The following TTC31 variants were observed in gnomAD, a reference collection of about 807,000 sequenced individuals.
The protein encoded by TTC31 is tetratricopeptide repeat domain 31.
TTC31 carries 59 observed loss-of-function variants against 60.4 expected under a neutral mutation model. That is an observed-to-expected ratio of 0.98 (90% CI 0.79 to 1.21). TTC31 has a LOEUF of 1.21. Among genes scored for constraint, TTC31 ranks in the 50% most tolerant of loss-of-function variants. TTC31 has a pLI of 0.00. For synonymous variants in TTC31, 225 were observed against 249.6 expected (o/e 0.90, Z 0.93); for missense variants, 672 against 646.9 (o/e 1.04, Z -0.42).
intron 2 of TTC31, among the ~76,000 whole-genome samples, chr2:74,487,466 C>T (rs1673259276): frequency 6.6e-6 from 1 of 152,038 alleles, no homozygotes; most frequent in Admixed American, 6.5e-5. Flanking sequence ...GATCTGCTTG[C>T]CTTGGCCTCC....
Position 74,493,363 on chromosome 2 carries a change from G to A in TTC31, c.*145G>A. 1.1e-6 allele frequency: 1 copy of A among 881,560 alleles called. No homozygotes were observed. Among genetic ancestry groups the A allele is most frequent in the Non-Finnish European group, 1.7e-6 (1 of 597,176 alleles). The allele number at this position is 881,560 out of a possible 1,614,324, so 54.6% of individuals were successfully genotyped here. On this transcript the variant is annotated 3_prime_UTR_variant, in exon 13 of 13. Transcript: ENST00000233623. ...CCCTGGCAGTCATTCCTCTTGCCAT[G>A]GGGAAGCTTCTGATGAGAGAAAGGA... is the stretch of plus-strand genomic sequence containing the variant.
intron 2 of TTC31, among the ~76,000 whole-genome samples, chr2:74,486,836 T>C (rs1234897275): frequency 1.3e-5 from 2 of 150,110 alleles, no homozygotes; most frequent in Non-Finnish European, 3.0e-5. Context: ...GAGGTTGCGG[T>C]GAGCCAAGTT....
rs577412797 is a variant in TTC31, at chr2:74,491,884, T to C, written c.877-120T>C. On this transcript the variant is annotated intron_variant, in intron 8 of 12. Coordinates refer to ENST00000233623, the MANE Select transcript of TTC31 (RefSeq NM_022492.6). ...TAGGGCTGATACCATCTTGTAGGGC[T>C]GTCATGAGGATTACATGAGTTGGGT... 9.2e-6 allele frequency: 14 copies of C among 1,523,430 alleles called. No homozygotes were observed. The African/African-American group carries it at 1.8e-4, about 19-fold the overall frequency. 94.4% of individuals were successfully genotyped at this position (1,523,430 alleles called of 1,614,324 possible).
At chr2:74,492,087 A>G in intron 9 of TTC31, 32 bp downstream of exon 9, 1 of 1,613,456 alleles carries the variant, frequency 6.2e-7, no homozygotes, top group Non-Finnish European at 8.5e-7. Context: ...TCCTCACCCC[A>G]CCCTCCCTGG....
In TTC31 at chr2:74,491,321, G is replaced by C. The variant is rs763342871; in HGVS notation, c.630G>C (p.Glu210Asp). The stretch of plus-strand genomic sequence containing the variant: ...CCAGCACTACCTCAGATGGAGATGA[G>C]AGCCCCCCATCCAGCCCTGGAAACC... ...PKASTTSDGD[E>D]SPPSSPGNPV... is the part of the protein sequence containing the mutation. Residue 210 changes from glutamate to aspartate, a missense_variant, in exon 7 of 13, where the codon GAG becomes GAC. Physicochemically the swap from Glu to Asp is conservative, Grantham distance 45. Transcript: ENST00000233623. 2 of 1,614,174 alleles carry C rather than the reference G, an allele frequency of 1.2e-6. No individual in the cohort carries two copies. Among genetic ancestry groups the C allele is most frequent in the Non-Finnish European group, 8.5e-7 (1 of 1,180,038 alleles).
chr2:74,492,729 C>T lies in TTC31; in HGVS notation c.1245C>T (p.Cys415=), dbSNP rs1249381952. The T allele has an allele frequency of 6.2e-6, 10 of 1,614,122 alleles. No homozygotes were observed. The highest frequency in any genetic ancestry group is 8.5e-6 in the Non-Finnish European group (10 of 1,180,016). ...ACGCAGCCCGAGAGCTCCGCTCTTG[C>T]CTTCTCCACCTCACACTGGTAAGGG... ...QPDAARELRS[C]LLHLTLQGQR... Residue 415 remains cysteine, a synonymous_variant, in exon 12 of 13, where the codon TGC becomes TGT. Transcript: ENST00000233623.
chr2:74,485,910 G>C (rs1056911687), intron 2 of TTC31, among the ~76,000 whole-genome samples: 1 of 152,112 alleles, frequency 6.6e-6, no homozygotes, highest in East Asian at 1.9e-4. Context: ...GGCCGTCTCA[G>C]CACTATTTCA....
chr2:74,490,908 G>T, intron 5 of TTC31, 169 bp downstream of exon 5: 1 of 891,070 alleles, frequency 1.1e-6, no homozygotes, highest in Non-Finnish European at 1.7e-6. Context: ...GCCATCTGGT[G>T]CAGTGGTTCT....
rs1673957872 is a variant in TTC31, at chr2:74,492,020, T to C, written c.893T>C (p.Leu298Pro). The C allele has an allele frequency of 6.2e-7, 1 of 1,614,242 alleles. No individual in the cohort carries two copies. The highest frequency in any genetic ancestry group is 8.5e-7 in the Non-Finnish European group (1 of 1,180,034). Residue 298 changes from leucine to proline, a missense_variant, in exon 9 of 13, where the codon CTG becomes CCG. Coordinates refer to ENST00000233623, the MANE Select transcript of TTC31 (RefSeq NM_022492.6). ...TATCCCCAGGCATCTCCGGGACTGC[T>C]GGCAGCTGCCTTACAACAGAGCCAG... is the stretch of plus-strand genomic sequence containing the variant. ...SPKVQASPGL[L>P]AAALQQSQEL... is the part of the protein sequence containing the mutation.
chr2:74,490,343 A>G lies in TTC31; in HGVS notation c.332A>G (p.Lys111Arg), dbSNP rs754676596. 1.9e-6 allele frequency: 3 copies of G among 1,614,032 alleles called. 1 individual carries two copies. The highest frequency in any genetic ancestry group is 2.5e-6 in the Non-Finnish European group (3 of 1,179,972). ...EGLGTYCGLR[K>R]SFLYPPQESE... ...CTGGGCACCTACTGTGGTCTCCGCA[A>G]GTCCTTCCTGTATCCTCCCCAAGAG... The change falls in exon 4 of 13, where the codon AAG (lysine) becomes AGG (arginine). Residue 111 changes from lysine (K) to arginine (R), a missense_variant. Transcript: ENST00000233623.
intron 5 of TTC31, 68 bp downstream of exon 5, chr2:74,490,807 T>A: frequency 6.7e-7 from 1 of 1,495,382 alleles, no homozygotes; most frequent in Non-Finnish European, 9.1e-7. Flanking sequence ...GAGGAAACTT[T>A]GTGGGAACAG....
At chr2:74,492,550 T>C in intron 11 of TTC31, 96 bp from the exon 12 acceptor site, 1 of 1,547,818 alleles carries the variant, frequency 6.5e-7, no homozygotes. Context: ...AGTGTCACAA[T>C]GGTTGTGGTA....
In TTC31 at chr2:74,490,270, G is replaced by T. The variant is rs202222621; in HGVS notation, c.259G>T (p.Glu87Ter). Residue 87 changes from glutamate (E) to a stop codon, truncating the protein, a stop_gained, in exon 4 of 13, where the codon GAA becomes TAA. Coordinates refer to ENST00000233623, the MANE Select transcript of TTC31 (RefSeq NM_022492.6). LOFTEE classifies it high-confidence loss of function. ...HDYLLGHLDDEGKSTGQSDRG... is the reference protein window; with the variant it reads ...HDYLLGHLDD ...TTACCTCCTGGGCCACTTGGATGATGAAGGGAAATCAACTGGACAGAGTGA... is the reference window on the plus strand; with the variant it reads ...TTACCTCCTGGGCCACTTGGATGATTAAGGGAAATCAACTGGACAGAGTGA... 1 of 1,614,054 alleles carries T rather than the reference G, an allele frequency of 6.2e-7. No individual in the cohort carries two copies. The highest frequency in any genetic ancestry group is 8.5e-7 in the Non-Finnish European group (1 of 1,179,978).
In TTC31 at chr2:74,492,913, C is replaced by A. The variant is rs765048132; in HGVS notation, c.1264-9C>A. The A allele has an allele frequency of 1.3e-6, 2 of 1,594,482 alleles. No homozygotes were observed. The highest frequency in any genetic ancestry group is 2.7e-5 in the African/African-American group (2 of 74,594). ...GAAGGATCTGGTGCCCTTCTCTCTCCCTTCTCAGCAGGGTCAGCGAGGAGG... is the reference window on the plus strand; with the variant it reads ...GAAGGATCTGGTGCCCTTCTCTCTCACTTCTCAGCAGGGTCAGCGAGGAGG... On this transcript the variant is annotated splice_polypyrimidine_tract_variant and intron_variant, in intron 12 of 12. Transcript: ENST00000233623.
In TTC31 at chr2:74,491,139, A is replaced by C. The variant is rs1160702848; in HGVS notation, c.558A>C (p.Glu186Asp). Reference protein sequence around the residue: ...KKRLKKKRQKERKRQERLEQY... With the variant: ...KKRLKKKRQKDRKRQERLEQY... ...CATTACTATTGCAGCGTCAAAAGGA[A>C]CGGAAGCGACAGGAGCGTTTGGAGC... The change falls in exon 6 of 13, where the codon GAA becomes GAC. Residue 186 changes from glutamate to aspartate, a missense_variant. Transcript: ENST00000233623. The C allele has an allele frequency of 6.2e-6, 10 of 1,614,114 alleles. No homozygotes were observed. The highest frequency in any genetic ancestry group is 1.6e-4 in the Middle Eastern group (1 of 6,084).
intron 2 of TTC31, among the ~76,000 whole-genome samples, chr2:74,486,308 T>G (rs1481040176): frequency 6.6e-6 from 1 of 151,998 alleles, no homozygotes; most frequent in Non-Finnish European, 1.5e-5. Flanking sequence ...ACATGTTTCT[T>G]CACACACAGT....
Position 74,493,519 on chromosome 2 carries a change from T to C in TTC31, c.*301T>C. ...GGTTTTTAGGCTATAGCAGAGACAG[T>C]GAGAAAGCATCTGGGCCTTTCTCTT... On this transcript the variant is annotated 3_prime_UTR_variant, in exon 13 of 13. Coordinates refer to ENST00000233623, the MANE Select transcript of TTC31 (RefSeq NM_022492.6). 1 of 314,062 alleles carries C rather than the reference T, an allele frequency of 3.2e-6. No homozygotes were observed. The highest frequency in any genetic ancestry group is 5.9e-6 in the Non-Finnish European group (1 of 169,272). 19.5% of individuals were successfully genotyped at this position (314,062 alleles called of 1,614,324 possible). A position where few individuals can be genotyped will look rare whatever the true frequency, so the allele number is the denominator to read the frequency against.
In TTC31 at chr2:74,493,054, G is replaced by A. The variant is rs748743322; in HGVS notation, c.1396G>A (p.Gly466Ser). Residue 466 changes from glycine to serine, a missense_variant, in exon 13 of 13, where the codon GGC becomes AGC. Transcript: ENST00000233623. Reference sequence around the variant, plus strand: ...TCGAAGCACTGCTTTGAGGTCCCCTGGCCTGTCTCCACTCTTGCATTATCC... The same window carrying A: ...TCGAAGCACTGCTTTGAGGTCCCCTAGCCTGTCTCCACTCTTGCATTATCC... ...CPRSTALRSP[G>S]LSPLLHYPSC... 1.4e-5 allele frequency: 22 copies of A among 1,614,116 alleles called. No individual in the cohort carries two copies. The South Asian group carries it at 2.3e-4, about 17-fold the overall frequency.
chr2:74,486,864 G>T lies in TTC31; in HGVS notation c.130-3161G>T, dbSNP rs1296639167. Among the ~76,000 whole-genome samples, 4 of 150,938 alleles carry T rather than the reference G, an allele frequency of 2.7e-5. No homozygotes were observed. The East Asian group carries it at 7.7e-4, about 29-fold the overall frequency. ...GCCAAGTTCATGCCATTGCACTCCA[G>T]CCTGGGCAACAAGGGCGAAACTCCA... On this transcript the variant is annotated intron_variant, in intron 2 of 12. Coordinates refer to ENST00000233623, the MANE Select transcript of TTC31 (RefSeq NM_022492.6).
Sources: allele counts gnomAD v4.1 joint callset (sites outside exome capture counted in the v4.1 genomes callset), GRCh38; gene constraint gnomAD v4.1.1; transcripts MANE v1.5; gene names NCBI Gene and HGNC (gene_info 2026-07-23, HGNC 2026-07-21).